Variants in CAMTA1 observed in about 807,000 individuals in gnomAD.
CAMTA1 encodes the protein calmodulin binding transcription activator 1.
A neutral mutation model predicts 170.9 loss-of-function variants in CAMTA1; 27 were observed. The ratio of observed to expected loss-of-function variants is 0.16; its 90% CI spans 0.12 to 0.22. CAMTA1 has a LOEUF of 0.22. Among genes scored for constraint, CAMTA1 ranks in the 10% least tolerant of loss-of-function variants. The pLI is 1.00. For missense variants in CAMTA1, 1,619 were observed against 2,217.2 expected, an observed-to-expected ratio of 0.73 and a Z score of 5.42; for synonymous variants, 833 against 891.5, an observed-to-expected ratio of 0.93 and a Z score of 1.17.
intron 5 of CAMTA1, among the ~76,000 whole-genome samples, chr1:7,400,027 G>A (rs1338642370): frequency 6.6e-6 from 1 of 152,056 alleles, no homozygotes; most frequent in African/African-American, 2.4e-5. Context: ...ATCAAGACTT[G>A]GACAATTTTC....
At chr1:6,899,553 C>T (rs550145162) in intron 3 of CAMTA1, among the ~76,000 whole-genome samples, 10 of 68,524 alleles carry the variant, frequency 1.5e-4, no homozygotes, top group East Asian at 8.8e-4. Flanking sequence ...CACGCGCGCG[C>T]GCACACACAC....
At chr1:7,479,967 A>G (rs998899723) in intron 6 of CAMTA1, among the ~76,000 whole-genome samples, 7 of 150,382 alleles carry the variant, frequency 4.7e-5, no homozygotes, top group Non-Finnish European at 7.4e-5. Flanking sequence ...GTGAGTACAC[A>G]AGTGTGTATA....
At position 7,333,688 on chromosome 1, in the gene CAMTA1, C is replaced by G. The variant is rs1440657470; in HGVS notation, c.438+84062C>G. Among the ~76,000 whole-genome samples, 1 of 152,224 alleles carries G rather than the reference C, an allele frequency of 6.6e-6. No homozygotes were observed. Among genetic ancestry groups the G allele is most frequent in the Non-Finnish European group, 1.5e-5 (1 of 68,044 alleles). On this transcript the variant is annotated intron_variant, in intron 5 of 22. Transcript: ENST00000303635. This position sits in a 1 kb window ranked among gnomAD's most constrained non-coding sequence, Gnocchi z 4.4. Reference sequence around the variant, plus strand: ...GCCATGTTGCAGATTCTCCAATAAGCATCCCGGTGATCTGTGTGCCTTGCA... The same window carrying G: ...GCCATGTTGCAGATTCTCCAATAAGGATCCCGGTGATCTGTGTGCCTTGCA...
At chr1:7,280,038 A>G (rs1671288843) in intron 5 of CAMTA1, among the ~76,000 whole-genome samples, 1 of 152,118 alleles carries the variant, frequency 6.6e-6, no homozygotes, top group Non-Finnish European at 1.5e-5. Context: ...TAGAACTTGC[A>G]GCATCCAGAC....
chr1:7,457,643 A>G (rs760286024), intron 5 of CAMTA1, among the ~76,000 whole-genome samples: 12 of 152,162 alleles, frequency 7.9e-5, no homozygotes, highest in Non-Finnish European at 1.6e-4. Context: ...AAAAGGGCCT[A>G]TGCTGCAAAA....
chr1:7,287,224 C>T (rs1323249554), intron 5 of CAMTA1, among the ~76,000 whole-genome samples: 1 of 152,022 alleles, frequency 6.6e-6, no homozygotes, highest in Non-Finnish European at 1.5e-5. Flanking sequence ...AGTGAGCAGC[C>T]AGGGGGAGAC....
At chr1:6,834,154 A>AT (rs60264977) in intron 3 of CAMTA1, among the ~76,000 whole-genome samples, 119 of 136,640 alleles carry the variant, frequency 8.7e-4, no homozygotes, top group South Asian at 3.0e-3. Flanking sequence ...TATTTGATTA[A>AT]TTTTTTTTTT....
Position 7,732,725 on chromosome 1 carries a change from A to G in CAMTA1, c.3066+126A>G, listed in dbSNP as rs1446744936. ...TCCCTGTATTCAGGCAGAAGGCCTG[A>G]GGGAGTACTTTACGGTACCTGTGCT... On this transcript the variant is annotated intron_variant, in intron 12 of 22. Coordinates refer to ENST00000303635, the MANE Select transcript of CAMTA1 (RefSeq NM_015215.4). The surrounding 1 kb of genome is among the most constrained non-coding windows in gnomAD (Gnocchi z 4.1). 1.5e-6 allele frequency: 2 copies of G among 1,337,856 alleles called. No homozygotes were observed. Among genetic ancestry groups the G allele is most frequent in the Non-Finnish European group, 2.0e-6 (2 of 997,776 alleles). The allele number at this position is 1,337,856 out of a possible 1,614,324, so 82.9% of individuals were successfully genotyped here. A position where few individuals can be genotyped will look rare whatever the true frequency, so the allele number is the denominator to read the frequency against.
chr1:7,079,084 G>A (rs79765623), intron 3 of CAMTA1, among the ~76,000 whole-genome samples: 2,033 of 152,288 alleles, frequency 0.013, 42 homozygotes, highest in African/African-American at 0.046. Flanking sequence ...TACAGGACTC[G>A]GAGGTATTTG....
intron 5 of CAMTA1, among the ~76,000 whole-genome samples, chr1:7,440,130 G>A (rs1215881769): frequency 3.3e-5 from 5 of 152,276 alleles, no homozygotes; most frequent in Admixed American, 6.5e-5. Context: ...CCGTGGCATA[G>A]GCGAGAGGGC....
chr1:7,246,692 T>TTTTGA (rs1665856558), intron 4 of CAMTA1, among the ~76,000 whole-genome samples: 1 of 147,334 alleles, frequency 6.8e-6, no homozygotes, highest in Non-Finnish European at 1.5e-5. Flanking sequence ...TTTTTTTTTT[T>TTTTGA]GACATGCTTT....
intron 2 of CAMTA1, among the ~76,000 whole-genome samples, chr1:6,824,381 AT>A (rs1426786170): frequency 6.6e-6 from 1 of 152,184 alleles, no homozygotes; most frequent in Non-Finnish European, 1.5e-5. Context: ...AGGTAGACTG[AT>A]TATTAGGTAG....
At chr1:7,350,093 G>A (rs2084537765) in intron 5 of CAMTA1, among the ~76,000 whole-genome samples, 1 of 152,142 alleles carries the variant, frequency 6.6e-6, no homozygotes, top group South Asian at 2.1e-4. Context: ...GGGGACCTTG[G>A]CAAGACCCTG....
chr1:7,154,639 G>T (rs545870941), intron 4 of CAMTA1, among the ~76,000 whole-genome samples: 2 of 152,328 alleles, frequency 1.3e-5, no homozygotes, highest in African/African-American at 4.8e-5. Flanking sequence ...CTTGCCTGAA[G>T]GGAAGGGGTG....
intron 6 of CAMTA1, among the ~76,000 whole-genome samples, chr1:7,552,292 T>C (rs2094813840): frequency 6.6e-6 from 1 of 152,234 alleles, no homozygotes; most frequent in South Asian, 2.1e-4. Flanking sequence ...ACAGGACCTC[T>C]GAGCCCGGAC....
chr1:6,914,045 A>G (rs991559249), intron 3 of CAMTA1, among the ~76,000 whole-genome samples: 4 of 150,920 alleles, frequency 2.7e-5, no homozygotes, highest in Admixed American at 1.3e-4. Flanking sequence ...AAGATGATCC[A>G]TTTGAGCATC....
At chr1:6,850,947 T>A (rs1393308175) in intron 3 of CAMTA1, among the ~76,000 whole-genome samples, 3 of 152,174 alleles carry the variant, frequency 2.0e-5, no homozygotes, top group African/African-American at 7.2e-5. Context: ...CCTGGCTGGA[T>A]CAAGGTGTTC....
chr1:7,100,024 A>G (rs889242581), intron 4 of CAMTA1, among the ~76,000 whole-genome samples: 2 of 151,964 alleles, frequency 1.3e-5, no homozygotes, highest in East Asian at 1.9e-4. Flanking sequence ...GGGAGGGTCT[A>G]TTGCCCCCTA....
intron 6 of CAMTA1, among the ~76,000 whole-genome samples, chr1:7,509,535 G>T (rs1290599608): frequency 6.6e-6 from 1 of 152,202 alleles, no homozygotes; most frequent in East Asian, 1.9e-4. Flanking sequence ...GTAAGTTTCA[G>T]AATGGCCCAG....
Sources: gnomAD v4.1 joint callset for allele counts (sites outside exome capture counted in the v4.1 genomes callset) on GRCh38, gnomAD v4.1.1 for gene constraint, Gnocchi (gnomAD v3.1) non-coding constraint, MANE v1.5 for transcripts, NCBI Gene and HGNC (gene_info 2026-07-23, HGNC 2026-07-21) for gene names.